FGD4: variants seen among roughly 807,000 people sequenced by gnomAD.
The protein encoded by FGD4 is FYVE, RhoGEF and PH domain containing 4.
In FGD4, 42 loss-of-function variants were observed where a neutral mutation model predicts 102.0. That is an observed-to-expected ratio of 0.41 (90% CI 0.32 to 0.53). FGD4 has a LOEUF of 0.53. Ranked by LOEUF, FGD4 falls within the 20% of genes least tolerant of loss-of-function variation. The pLI, the probability that FGD4 is intolerant of heterozygous loss-of-function variation, is 0.21. For synonymous variants in FGD4, 380 were observed against 375.7 expected (o/e 1.01, Z -0.13); for missense variants, 902 against 1,078.2 (o/e 0.84, Z 2.29).
At chr12:32,530,953 T>TTTG (rs1941744547) in intron 1 of FGD4, among the ~76,000 whole-genome samples, 1 of 129,260 alleles carries the variant, frequency 7.7e-6, no homozygotes, top group African/African-American at 3.1e-5. Flanking sequence ...TTTTTTTTTT[T>TTTG]TTTTTTTTTT....
intron 1 of FGD4, among the ~76,000 whole-genome samples, chr12:32,554,633 AG>A (rs1281651693): frequency 1.3e-4 from 20 of 152,362 alleles, no homozygotes; most frequent in African/African-American, 4.3e-4. Context: ...AGAAAGCCAT[AG>A]GTGCTACAGA....
At chr12:32,511,669 G>C (rs1362580238) in intron 1 of FGD4, among the ~76,000 whole-genome samples, 1 of 152,090 alleles carries the variant, frequency 6.6e-6, no homozygotes, top group African/African-American at 2.4e-5. Context: ...ATTAACAGCT[G>C]TGCTATAAAA....
intron 1 of FGD4, among the ~76,000 whole-genome samples, chr12:32,547,333 G>T (rs1943304221): frequency 6.6e-6 from 1 of 152,132 alleles, no homozygotes; most frequent in Non-Finnish European, 1.5e-5. Flanking sequence ...CCACCTCCTT[G>T]GGAGGCTGAG....
chr12:32,599,302 G>A (rs1228162080), intron 5 of FGD4, among the ~76,000 whole-genome samples: 1 of 149,100 alleles, frequency 6.7e-6, no homozygotes, highest in East Asian at 2.0e-4. Context: ...AGACCATCCT[G>A]GCTAACACGG....
intron 1 of FGD4, among the ~76,000 whole-genome samples, chr12:32,507,150 A>G (rs1411288630): frequency 2.8e-5 from 4 of 140,492 alleles, no homozygotes; most frequent in East Asian, 4.2e-4. Flanking sequence ...TCATTGTTCA[A>G]TTCCCATCTA....
At chr12:32,597,436 G>T (rs778387692) in intron 4 of FGD4, among the ~76,000 whole-genome samples, 6 of 152,218 alleles carry the variant, frequency 3.9e-5, no homozygotes, top group Non-Finnish European at 8.8e-5. Context: ...ACCAGGAGGA[G>T]AAAATTAGGA....
At chr12:32,546,849 G>T (rs1943264801) in intron 1 of FGD4, among the ~76,000 whole-genome samples, 1 of 152,210 alleles carries the variant, frequency 6.6e-6, no homozygotes, top group Non-Finnish European at 1.5e-5. Flanking sequence ...TGAAGAGGTG[G>T]TGAGAAGTGG....
intron 1 of FGD4, among the ~76,000 whole-genome samples, chr12:32,449,123 A>AT (rs953951225): frequency 1.3e-5 from 2 of 151,632 alleles, no homozygotes; most frequent in African/African-American, 2.4e-5. Flanking sequence ...ATATACAGAA[A>AT]TTTTTTTTTC....
chr12:32,423,861 GT>G (rs200097919), intron 1 of FGD4, among the ~76,000 whole-genome samples: 25,987 of 139,810 alleles, frequency 0.19, 2,646 homozygotes, highest in East Asian at 0.31. Flanking sequence ...TGGTGGGAGT[GT>G]TTTTTTTTTT....
intron 15 of FGD4, among the ~76,000 whole-genome samples, chr12:32,636,217 T>C (rs1376976049): frequency 2.0e-5 from 3 of 152,192 alleles, no homozygotes; most frequent in Middle Eastern, 3.4e-3. Context: ...TTGTGAGTTA[T>C]CGTCTGCTAA....
intron 1 of FGD4, among the ~76,000 whole-genome samples, chr12:32,553,243 C>G (rs1042116937): frequency 6.6e-6 from 1 of 152,112 alleles, no homozygotes; most frequent in South Asian, 2.1e-4. Context: ...GGCACTGTGG[C>G]CATGGGTCTT....
intron 1 of FGD4, among the ~76,000 whole-genome samples, chr12:32,500,963 A>G (rs1008123261): frequency 6.6e-6 from 1 of 152,248 alleles, no homozygotes; most frequent in Non-Finnish European, 1.5e-5. Flanking sequence ...AGGTGCTCAC[A>G]GTCTGAAGGA....
chr12:32,582,406 A>G lies in FGD4; in HGVS notation c.950A>G (p.Glu317Gly), dbSNP rs1452437045. Residue 317 changes from glutamate to glycine, a missense_variant, in exon 4 of 17, where the codon GAG becomes GGG. Coordinates refer to ENST00000534526, the MANE Select transcript of FGD4 (RefSeq NM_001370298.3). ...RGAETETKVQ[E>G]RENGESPLEL... Reference sequence around the variant, plus strand: ...GCAGAAACAGAAACCAAGGTACAAGAGAGGGAAAATGGGGAAAGCCCTCTG... The same window carrying G: ...GCAGAAACAGAAACCAAGGTACAAGGGAGGGAAAATGGGGAAAGCCCTCTG... The G allele has an allele frequency of 1.5e-5, 25 of 1,613,998 alleles. No individual in the cohort carries two copies. The highest frequency in any genetic ancestry group is 2.0e-5 in the Non-Finnish European group (24 of 1,180,030).
chr12:32,613,544 G>A (rs1949275155), intron 10 of FGD4, among the ~76,000 whole-genome samples: 1 of 152,086 alleles, frequency 6.6e-6, no homozygotes, highest in African/African-American at 2.4e-5. Context: ...CTTGAGCTTA[G>A]GAGTTCAAGA....
intron 1 of FGD4, among the ~76,000 whole-genome samples, chr12:32,427,992 C>T (rs1205981883): frequency 6.6e-6 from 1 of 152,142 alleles, no homozygotes. Flanking sequence ...ATACAGCACA[C>T]CAATGGGTCT....
chr12:32,640,452 A>G lies in FGD4; in HGVS notation c.2631A>G (p.Thr877=), dbSNP rs142377910. The stretch of plus-strand genomic sequence containing the variant: ...TGAAAGTCATCCTTTTAGCTGTCAC[A>G]GGTGAGACACCAGGTGGTCCAAATG... ...KWLKVILLAV[T]GETPGGPNEH... Residue 877 remains threonine (T), a synonymous_variant, in exon 17 of 17, where the codon ACA becomes ACG. Transcript: ENST00000534526. 3.1e-6 allele frequency: 5 copies of G among 1,614,176 alleles called. No homozygotes were observed. Among genetic ancestry groups the G allele is most frequent in the Admixed American group, 1.7e-5 (1 of 60,024 alleles).
At chr12:32,489,274 A>G (rs1179275920) in intron 1 of FGD4, among the ~76,000 whole-genome samples, 1 of 152,168 alleles carries the variant, frequency 6.6e-6, no homozygotes, top group African/African-American at 2.4e-5. Context: ...TCTCCTGCCC[A>G]TTTGTTTAAT....
At chr12:32,447,665 C>T (rs556978405) in intron 1 of FGD4, among the ~76,000 whole-genome samples, 2 of 152,324 alleles carry the variant, frequency 1.3e-5, no homozygotes, top group South Asian at 2.1e-4. Context: ...CAAATTCGCT[C>T]AGTGACACAG....
intron 1 of FGD4, among the ~76,000 whole-genome samples, chr12:32,488,192 CAG>C (rs1943972257): frequency 6.7e-6 from 1 of 150,342 alleles, no homozygotes; most frequent in African/African-American, 2.4e-5. Flanking sequence ...AAAAAAAAGA[CAG>C]AGAAAAAGCT....
Sources: gnomAD v4.1 joint callset for allele counts (sites outside exome capture counted in the v4.1 genomes callset) on GRCh38, gnomAD v4.1.1 for gene constraint, MANE v1.5 for transcripts, NCBI Gene and HGNC (gene_info 2026-07-23, HGNC 2026-07-21) for gene names.